GGCT: variants seen among roughly 807,000 people sequenced by gnomAD.
GGCT encodes cytochrome c-releasing factor 21.
GGCT carries 20 observed loss-of-function variants against 22.1 expected under a neutral mutation model. The ratio of observed to expected loss-of-function variants is 0.91; its 90% CI spans 0.64 to 1.32. GGCT has a LOEUF of 1.32. GGCT is among the 40% of genes most tolerant of loss of function. GGCT has a pLI of 0.00. For missense variants in GGCT, 209 were observed against 223.5 expected, an observed-to-expected ratio of 0.94 and a Z score of 0.41; for synonymous variants, 72 against 78.4, an observed-to-expected ratio of 0.92 and a Z score of 0.43.
In GGCT at chr7:30,497,052, A is replaced by G; in HGVS notation, c.*40T>C. 1.5e-6 allele frequency: 2 copies of G among 1,344,090 alleles called. No individual in the cohort carries two copies. Among genetic ancestry groups the G allele is most frequent in the South Asian group, 2.6e-5 (2 of 75,872 alleles). 83.3% of individuals were successfully genotyped at this position (1,344,090 alleles called of 1,614,324 possible). On this transcript the variant is annotated 3_prime_UTR_variant, in exon 4 of 4. Coordinates refer to ENST00000275428, the MANE Select transcript of GGCT (RefSeq NM_024051.4). The stretch of plus-strand genomic sequence containing the variant: ...TTCTCAAGTGTTAAAAATATTTTAT[A>G]TTAGCACATAGAATACCCTTAGATA...
At chr7:30,499,448 A>G (rs1464667302) in intron 2 of GGCT, among the ~76,000 whole-genome samples, 1 of 151,728 alleles carries the variant, frequency 6.6e-6, no homozygotes, top group Non-Finnish European at 1.5e-5. Flanking sequence ...TCACACCTGT[A>G]ATCCTAGCAC....
chr7:30,499,147 C>G (rs1446184221), intron 2 of GGCT: 5 of 549,204 alleles, frequency 9.1e-6, no homozygotes, highest in Non-Finnish European at 1.3e-5. Flanking sequence ...TACGGTGGCT[C>G]ACATCTGTAA....
At chr7:30,501,317 G>T (rs1380473875) in intron 1 of GGCT, among the ~76,000 whole-genome samples, 1 of 152,178 alleles carries the variant, frequency 6.6e-6, no homozygotes, top group Non-Finnish European at 1.5e-5. Context: ...TGTTTTGGGG[G>T]CCAGGTGCAG....
chr7:30,499,308 G>A (rs941237299), intron 2 of GGCT, among the ~76,000 whole-genome samples: 1 of 151,966 alleles, frequency 6.6e-6, no homozygotes, highest in East Asian at 1.9e-4. Context: ...TCAATAGGCT[G>A]AGGCTAGAGA....
intron 1 of GGCT, among the ~76,000 whole-genome samples, chr7:30,502,760 T>G (rs1789733092): frequency 6.6e-6 from 1 of 152,210 alleles, no homozygotes; most frequent in Non-Finnish European, 1.5e-5. Context: ...CCATCCACCC[T>G]GCCCTGCCAC....
intron 3 of GGCT, among the ~76,000 whole-genome samples, chr7:30,498,138 A>G (rs1277037454): frequency 6.7e-6 from 1 of 149,404 alleles, no homozygotes; most frequent in Non-Finnish European, 1.5e-5. Context: ...CTACTTTAAT[A>G]CATGTCTACA....
At chr7:30,497,871 A>G in intron 3 of GGCT, 2 of 1,449,270 alleles carry the variant, frequency 1.4e-6, no homozygotes, top group East Asian at 2.6e-5. Flanking sequence ...TGATTCTGAA[A>G]GGCAGTGTGA....
Position 30,504,782 on chromosome 7 carries a change from C to G in GGCT, c.-73G>C. The stretch of plus-strand genomic sequence containing the variant: ...GGCCAGAGAGCGCAACACTGGGGCC[C>G]ACTACCCCGGCGCAGTGACCGCCGC... On this transcript the variant is annotated 5_prime_UTR_variant, in exon 1 of 4. Coordinates refer to ENST00000275428, the MANE Select transcript of GGCT (RefSeq NM_024051.4). 6.7e-7 allele frequency: 1 copy of G among 1,489,870 alleles called. No homozygotes were observed. Among genetic ancestry groups the G allele is most frequent in the Non-Finnish European group, 9.3e-7 (1 of 1,074,272 alleles). 92.3% of individuals were successfully genotyped at this position (1,489,870 alleles called of 1,614,324 possible). A position where few individuals can be genotyped will look rare whatever the true frequency, so the allele number is the denominator to read the frequency against.
chr7:30,498,578 G>A (rs1406913552), intron 3 of GGCT, among the ~76,000 whole-genome samples: 13 of 151,902 alleles, frequency 8.6e-5, no homozygotes, highest in Non-Finnish European at 1.5e-5. Flanking sequence ...CGCCACCACG[G>A]CCTCCTAGTT....
chr7:30,500,264 A>G (rs888355026), intron 2 of GGCT, among the ~76,000 whole-genome samples: 1 of 152,256 alleles, frequency 6.6e-6, no homozygotes, highest in Admixed American at 6.5e-5. Flanking sequence ...AACTATAAAG[A>G]AAAATTATGA....
chr7:30,503,781 CTTTTTTTTT>C (rs58105855), intron 1 of GGCT, among the ~76,000 whole-genome samples: 53 of 68,606 alleles, frequency 7.7e-4, no homozygotes, highest in African/African-American at 2.2e-3. Context: ...TCAACACATT[CTTTTTTTTT>C]TTTTTTTTTT....
intron 2 of GGCT, chr7:30,499,151 T>A: frequency 1.9e-6 from 1 of 533,894 alleles, no homozygotes; most frequent in South Asian, 2.0e-5. Context: ...GTGGCTCACA[T>A]CTGTAATCCC....
Position 30,497,145 on chromosome 7 carries a change from C to T in GGCT, c.514G>A (p.Val172Ile), listed in dbSNP as rs1457634642. 2 of 1,608,566 alleles carry T rather than the reference C, an allele frequency of 1.2e-6. No individual in the cohort carries two copies. Among genetic ancestry groups the T allele is most frequent in the African/African-American group, 2.7e-5 (2 of 74,728 alleles). Reference sequence around the variant, plus strand: ...ATGATGTCTTCAATTTCTTCTGAGACCTTTCCTGTATAGTCATTTGGTTCT... The same window carrying T: ...ATGATGTCTTCAATTTCTTCTGAGATCTTTCCTGTATAGTCATTTGGTTCT... ...AIEPNDYTGKVSEEIEDIIKK... is the reference protein window; with the variant it reads ...AIEPNDYTGKISEEIEDIIKK... The change falls in exon 4 of 4, where the codon GTC (valine) becomes ATC (isoleucine). Residue 172 changes from valine (V) to isoleucine (I), a missense_variant. Val to Ile is a conservative substitution (Grantham distance 29, BLOSUM62 3). Transcript: ENST00000275428.
chr7:30,498,774 T>C (rs778067732), intron 3 of GGCT, 29 bp downstream of exon 3: 1 of 1,581,232 alleles, frequency 6.3e-7, no homozygotes, highest in Non-Finnish European at 8.6e-7. Flanking sequence ...ATTTAAAAAG[T>C]AATCACCACC....
chr7:30,498,265 A>T lies in GGCT; in HGVS notation c.423+538T>A, dbSNP rs865964160. ...TTCTGACTCACATATATTTCTAAAA[A>T]TTTTTTTAATAAATAGTTTTAAAAA... On this transcript the variant is annotated intron_variant, in intron 3 of 3. Coordinates refer to ENST00000275428, the MANE Select transcript of GGCT (RefSeq NM_024051.4). Among the ~76,000 whole-genome samples, 5 of 151,678 alleles carry T rather than the reference A, an allele frequency of 3.3e-5. No homozygotes were observed. In the South Asian group the frequency reaches 8.3e-4, roughly 25 times the overall value.
chr7:30,504,419 A>G, intron 1 of GGCT, 150 bp downstream of exon 1: 2 of 856,630 alleles, frequency 2.3e-6, no homozygotes, highest in Non-Finnish European at 3.6e-6. Context: ...GCAGCGGAGG[A>G]GGTGGACCCG....
intron 2 of GGCT, among the ~76,000 whole-genome samples, chr7:30,500,052 C>A (rs1274082372): frequency 6.6e-6 from 1 of 152,148 alleles, no homozygotes; most frequent in African/African-American, 2.4e-5. Context: ...AAATGCTCTG[C>A]CACACAACTC....
intron 3 of GGCT, among the ~76,000 whole-genome samples, chr7:30,498,298 C>A (rs1789608199): frequency 6.6e-6 from 1 of 151,684 alleles, no homozygotes; most frequent in African/African-American, 2.4e-5. Context: ...AAACATAATT[C>A]TATCATTACA....
chr7:30,497,772 G>C (rs1353259689), intron 3 of GGCT: 54 of 1,450,208 alleles, frequency 3.7e-5, no homozygotes, highest in Non-Finnish European at 4.7e-5. Context: ...GATTGGGCCT[G>C]CCAACAGAGA....
Sources: allele counts gnomAD v4.1 joint callset (sites outside exome capture counted in the v4.1 genomes callset), GRCh38; gene constraint gnomAD v4.1.1; transcripts MANE v1.5; gene names NCBI Gene and HGNC (gene_info 2026-07-23, HGNC 2026-07-21).